Variants in UBE3C observed in about 807,000 individuals in gnomAD.
UBE3C encodes ubiquitin protein ligase E3C.
Under a neutral mutation model 129.4 loss-of-function variants are expected in UBE3C, and 42 were observed. The ratio of observed to expected loss-of-function variants is 0.32; its 90% CI spans 0.25 to 0.42. The LOEUF is 0.42. UBE3C is among the 10% of genes least tolerant of loss of function. The pLI is 1.00. For missense variants in UBE3C, 1,049 were observed against 1,319.1 expected, an observed-to-expected ratio of 0.80 and a Z score of 3.17; for synonymous variants, 510 against 492.4, an observed-to-expected ratio of 1.04 and a Z score of -0.47.
intron 1 of UBE3C, among the ~76,000 whole-genome samples, chr7:157,156,085 G>C (rs1272275064): frequency 6.6e-6 from 1 of 151,958 alleles, no homozygotes; most frequent in Non-Finnish European, 1.5e-5. Flanking sequence ...CTTTCTCCTG[G>C]TACCTTATTT....
chr7:157,247,218 G>T lies in UBE3C; in HGVS notation c.2482-1150G>T, dbSNP rs554145369. 5.9e-5 allele frequency among the ~76,000 whole-genome samples: 9 copies of T among 152,288 alleles called. No individual in the cohort carries two copies. In the East Asian group the frequency reaches 1.7e-3, roughly 29 times the overall value. ...ATATATTCTAACACGAATGGCTTTT[G>T]TAGAGGAAATTGAGATTTCTTGTTT... is the stretch of plus-strand genomic sequence containing the variant. On this transcript the variant is annotated intron_variant, in intron 18 of 22. Coordinates refer to ENST00000348165, the MANE Select transcript of UBE3C (RefSeq NM_014671.3).
At chr7:157,247,844 C>A (rs987473087) in intron 18 of UBE3C, among the ~76,000 whole-genome samples, 2 of 151,370 alleles carry the variant, frequency 1.3e-5, no homozygotes, top group African/African-American at 4.9e-5. Flanking sequence ...TGAACTGGGA[C>A]CCCCCAAAAC....
intron 10 of UBE3C, among the ~76,000 whole-genome samples, chr7:157,199,288 C>G (rs1456930634): frequency 5.9e-5 from 9 of 152,024 alleles, no homozygotes; most frequent in Admixed American, 5.9e-4. Flanking sequence ...TTCCGTATGA[C>G]TGTTGCGTAT....
At chr7:157,224,288 G>A (rs182134711) in intron 16 of UBE3C, among the ~76,000 whole-genome samples, 16 of 152,098 alleles carry the variant, frequency 1.1e-4, no homozygotes, top group African/African-American at 3.1e-4. Flanking sequence ...TCCGCCTCCC[G>A]GATTCAAGCG....
intron 1 of UBE3C, among the ~76,000 whole-genome samples, chr7:157,148,267 A>G (rs905812291): frequency 1.1e-4 from 16 of 151,692 alleles, no homozygotes; most frequent in African/African-American, 3.6e-4. Context: ...GGCCTGGCTA[A>G]TTTTTTTGTA....
intron 11 of UBE3C, among the ~76,000 whole-genome samples, chr7:157,206,109 C>CT (rs1338845723): frequency 6.6e-6 from 1 of 151,874 alleles, no homozygotes; most frequent in Non-Finnish European, 1.5e-5. Flanking sequence ...ATTGATTTGA[C>CT]TTGGTAGAGG....
chr7:157,142,495 A>T (rs186908915), intron 1 of UBE3C, among the ~76,000 whole-genome samples: 1 of 152,276 alleles, frequency 6.6e-6, no homozygotes, highest in East Asian at 1.9e-4. Flanking sequence ...GAAAAAGTAG[A>T]ATTGTTTGGA....
intron 18 of UBE3C, among the ~76,000 whole-genome samples, chr7:157,247,387 A>T (rs532209108): frequency 1.3e-5 from 2 of 152,128 alleles, no homozygotes. Context: ...TGTTGTCTCT[A>T]TTGTCTTTAT....
intron 13 of UBE3C, among the ~76,000 whole-genome samples, chr7:157,215,185 A>G (rs1305181679): frequency 6.6e-6 from 1 of 152,194 alleles, no homozygotes; most frequent in South Asian, 2.1e-4. Flanking sequence ...TGCATGACCA[A>G]ATTGCTCGAA....
At chr7:157,227,144 A>G (rs896174450) in intron 17 of UBE3C, among the ~76,000 whole-genome samples, 3 of 152,034 alleles carry the variant, frequency 2.0e-5, no homozygotes, top group South Asian at 2.1e-4. Context: ...ATCCCAGGGG[A>G]AAAAAATAGA....
At chr7:157,162,472 C>G (rs559708167) in intron 1 of UBE3C, among the ~76,000 whole-genome samples, 2 of 152,130 alleles carry the variant, frequency 1.3e-5, no homozygotes, top group East Asian at 3.9e-4. Context: ...GGATTACAGG[C>G]GTGAGCCACC....
chr7:157,239,106 C>T (rs1222624811), intron 18 of UBE3C, among the ~76,000 whole-genome samples: 2 of 152,152 alleles, frequency 1.3e-5, no homozygotes, highest in Admixed American at 6.5e-5. Context: ...AAAATATCCA[C>T]ATCATATCAC....
At chr7:157,228,896 A>G (rs982506126) in intron 17 of UBE3C, among the ~76,000 whole-genome samples, 1 of 152,222 alleles carries the variant, frequency 6.6e-6, no homozygotes, top group African/African-American at 2.4e-5. Context: ...ACACGTGTAC[A>G]TAGCAATCTA....
At chr7:157,183,378 G>A (rs1238955982) in intron 8 of UBE3C, among the ~76,000 whole-genome samples, 1 of 152,194 alleles carries the variant, frequency 6.6e-6, no homozygotes, top group Non-Finnish European at 1.5e-5. Flanking sequence ...GGAAGTCGAG[G>A]TGTGCGGGAA....
At chr7:157,258,755 C>T (rs535858156) in intron 22 of UBE3C, among the ~76,000 whole-genome samples, 28 of 152,322 alleles carry the variant, frequency 1.8e-4, no homozygotes, top group Non-Finnish European at 4.0e-4. Context: ...CCATCATGCC[C>T]GGCCCCCCAA....
In UBE3C at chr7:157,174,936, CTTAA is replaced by C; in HGVS notation, c.365_368del (p.Ile122AsnfsTer22). The C allele has an allele frequency of 6.2e-7, 1 of 1,610,286 alleles. No individual in the cohort carries two copies. ...TGTTTCAGATATGGCTGTATCAGAACTTAATTAAACACAGCTCTCTGTTTGTCAA... is the reference window on the plus strand; with the variant it reads ...TGTTTCAGATATGGCTGTATCAGAACTTAAACACAGCTCTCTGTTTGTCAA... On this transcript the variant is annotated frameshift_variant, in exon 5 of 23. Coordinates refer to ENST00000348165, the MANE Select transcript of UBE3C (RefSeq NM_014671.3). LOFTEE classifies it high-confidence loss of function.
rs145593619 is a variant in UBE3C at position 157,265,670 on chromosome 7, G to A, written c.3082-1915G>A. ...CCCATTATCAGATGAGAAAAGCACG[G>A]CACGGAATACTGTGTCCAATGTGCT... is the stretch of plus-strand genomic sequence containing the variant. On this transcript the variant is annotated intron_variant, in intron 22 of 22. Coordinates refer to ENST00000348165, the MANE Select transcript of UBE3C (RefSeq NM_014671.3). Among the ~76,000 whole-genome samples the A allele has an allele frequency of 3.7e-3, 560 of 152,312 alleles. 12 individuals carry two copies. Among genetic ancestry groups the A allele is most frequent in the East Asian group, 7.1e-3 (37 of 5,184 alleles).
intron 21 of UBE3C, among the ~76,000 whole-genome samples, chr7:157,255,461 T>C (rs921526153): frequency 6.6e-6 from 1 of 152,240 alleles, no homozygotes; most frequent in Non-Finnish European, 1.5e-5. Context: ...TGCATTGTCC[T>C]ACATCTGAAG....
At chr7:157,197,615 G>A in intron 10 of UBE3C, 2 of 1,604,882 alleles carry the variant, frequency 1.2e-6, no homozygotes, top group Non-Finnish European at 1.7e-6. Flanking sequence ...TTAGTTGATG[G>A]AGTAACACAG....
Sources: allele counts gnomAD v4.1 joint callset (sites outside exome capture counted in the v4.1 genomes callset), GRCh38; gene constraint gnomAD v4.1.1; transcripts MANE v1.5; gene names NCBI Gene and HGNC (gene_info 2026-07-23, HGNC 2026-07-21).